GSE1: variants seen among roughly 807,000 people sequenced by gnomAD.
GSE1 encodes Gse1 coiled-coil protein, also known as genetic suppressor element 1.
GSE1 carries 32 observed loss-of-function variants against 112.6 expected under a neutral mutation model. That is an observed-to-expected ratio of 0.28 (90% CI 0.21 to 0.38). The LOEUF (loss-of-function observed/expected upper bound fraction) is 0.38, where lower values mean the gene tolerates loss of function less well. Among genes scored for constraint, GSE1 ranks in the 10% least tolerant of loss-of-function variants. The pLI is 1.00. For missense variants in GSE1, 2,348 were observed against 1,699.2 expected (o/e 1.38, Z -6.71); for synonymous variants, 1,115 against 735.6 (o/e 1.52, Z -8.35).
intron 1 of GSE1, among the ~76,000 whole-genome samples, chr16:85,294,993 C>T (rs535112313): frequency 1.3e-5 from 2 of 152,120 alleles, no homozygotes; most frequent in Admixed American, 1.3e-4. Context: ...TCAAACCATC[C>T]TCCTGCCTAG....
rs13333664 is a variant in GSE1 at position 85,634,657 on chromosome 16, C to A, written c.226+525C>A. 2.0e-4 allele frequency among the ~76,000 whole-genome samples: 31 copies of A among 152,162 alleles called. 1 individual carries two copies. Among genetic ancestry groups the A allele is most frequent in the East Asian group, 1.5e-3 (8 of 5,168 alleles). ...AGGCAGAGACTGTGGGGAGCATAGA[C>A]AAGCGGCCCCCGGGGTCTGGAGCCT... On this transcript the variant is annotated intron_variant, in intron 2 of 15. Coordinates refer to ENST00000253458, the MANE Select transcript of GSE1 (RefSeq NM_014615.5).
chr16:85,200,219 A>G (rs2075002945), intron 1 of GSE1, among the ~76,000 whole-genome samples: 1 of 152,062 alleles, frequency 6.6e-6, no homozygotes, highest in African/African-American at 2.4e-5. Context: ...GCCCAGTTTT[A>G]TATCTTTCTA....
At chr16:85,614,752 AC>A (rs1158672417) in intron 1 of GSE1, among the ~76,000 whole-genome samples, 1 of 152,058 alleles carries the variant, frequency 6.6e-6, no homozygotes, top group Non-Finnish European at 1.5e-5. Flanking sequence ...AACACACTAA[AC>A]CCTTGCTCCC....
chr16:85,305,623 C>T (rs537321101), intron 1 of GSE1, among the ~76,000 whole-genome samples: 333 of 152,146 alleles, frequency 2.2e-3, no homozygotes, highest in African/African-American at 5.8e-3. Flanking sequence ...TGGGTAATTA[C>T]AGGCATGCAC....
At chr16:85,179,209 T>A (rs2074531281) in intron 1 of GSE1, among the ~76,000 whole-genome samples, 1 of 152,132 alleles carries the variant, frequency 6.6e-6, no homozygotes, top group African/African-American at 2.4e-5. Flanking sequence ...CCTCTGTCTT[T>A]ATGGATCTGC....
intron 2 of GSE1, among the ~76,000 whole-genome samples, chr16:85,427,276 G>C (rs1330827628): frequency 6.6e-6 from 1 of 152,216 alleles, no homozygotes; most frequent in African/African-American, 2.4e-5. Flanking sequence ...ACAAATGTGA[G>C]CCACGTGCTG....
At position 85,656,364 on chromosome 16, in the gene GSE1, A is replaced by G. The variant is rs569636535; in HGVS notation, c.1011A>G (p.Leu337=). ...SAERLQMDEE[L]RRERERERER... ...GCAGGCTGCAGATGGACGAGGAGCT[A>G]AGGCGGGAGAGGGAGCGCGAGCGCG... Residue 337 remains leucine, a synonymous_variant, in exon 7 of 16, where the codon CTA becomes CTG. Transcript: ENST00000253458. 2.9e-5 allele frequency: 46 copies of G among 1,609,390 alleles called. No homozygotes were observed. The East Asian group carries it at 4.3e-4, about 15-fold the overall frequency.
rs147934092 is a variant in GSE1, at chr16:85,351,020, T to G, written c.2284-6443T>G. Among the ~76,000 whole-genome samples the G allele has an allele frequency of 7.9e-5, 12 of 152,344 alleles. No homozygotes were observed. In the East Asian group the frequency reaches 1.4e-3, roughly 17 times the overall value. On this transcript the variant is annotated intron_variant, in intron 1 of 2. Coordinates refer to the GSE1 transcript ENST00000637419. ...GTCTCGAACTTCTGGGCTTAAGTGA[T>G]CTGCCTGCCTCGGCCTCCCAAGGTG... is the stretch of plus-strand genomic sequence containing the variant.
chr16:85,335,365 A>G (rs2151527428), intron 1 of GSE1, among the ~76,000 whole-genome samples: 1 of 152,362 alleles, frequency 6.6e-6, no homozygotes, highest in East Asian at 1.9e-4. Flanking sequence ...TTCCTCGGCA[A>G]GCGAGTGAGT....
At position 85,674,547 on chromosome 16, in the gene GSE1, G is replaced by A. The variant is rs1030903628; in HGVS notation, c.*2008G>A. 2 of 152,202 alleles carry A rather than the reference G, an allele frequency of 1.3e-5. 1 individual carries two copies. Among genetic ancestry groups the A allele is most frequent in the South Asian group, 4.1e-4 (2 of 4,824 alleles). The allele number at this position is 152,202 out of a possible 1,614,324, so 9.4% of individuals were successfully genotyped here. On this transcript the variant is annotated 3_prime_UTR_variant, in exon 16 of 16. Transcript: ENST00000253458. ...ACTGAAAACCTACTTGAGGTTTCTG[G>A]TCTGAAGGCTTAAGAGTCACATCTT...
chr16:85,520,594 GT>G (rs371208807), intron 2 of GSE1, among the ~76,000 whole-genome samples: 4,541 of 151,370 alleles, frequency 0.03, 105 homozygotes, highest in South Asian at 0.1. Context: ...GCTAATTTTT[GT>G]TTTTTTTAGT....
Position 85,655,711 on chromosome 16 carries a change from G to A in GSE1, c.798-15G>A, listed in dbSNP as rs887884259. On this transcript the variant is annotated splice_polypyrimidine_tract_variant and intron_variant, in intron 5 of 15. Transcript: ENST00000253458. ...TGGTTCATTTGCTGCTCACAGCCCC[G>A]TCTTCTCTGCACAGGATGGACGACT... is the stretch of plus-strand genomic sequence containing the variant. The A allele has an allele frequency of 3.2e-5, 50 of 1,567,102 alleles. No homozygotes were observed. Among genetic ancestry groups the A allele is most frequent in the Middle Eastern group, 1.7e-4 (1 of 5,874 alleles).
chr16:85,668,519 G>A, intron 14 of GSE1, 95 bp downstream of exon 14: 1 of 834,034 alleles, frequency 1.2e-6, no homozygotes, highest in East Asian at 2.5e-5. Flanking sequence ...CTGCCAGCCT[G>A]GGGACTGTTT....
rs114062815 is a variant in GSE1 at position 85,170,970 on chromosome 16, C to T, written c.1446C>T (p.Tyr482=). 43 of 985,484 alleles carry T rather than the reference C, an allele frequency of 4.4e-5. No individual in the cohort carries two copies. In the African/African-American group the frequency reaches 6.6e-4, roughly 15 times the overall value. The allele number at this position is 985,484 out of a possible 1,614,324, so 61.0% of individuals were successfully genotyped here. ...CCGGGGCCCTGCGAGAGGCCTGCTA[C>T]CTCTGTGGGGAGGACTGTACCCCGG... The change falls in exon 1 of 3, where the codon TAC becomes TAT. Residue 482 remains tyrosine (Y), a synonymous_variant. Transcript: ENST00000637419.
chr16:85,668,167 A>G lies in GSE1; in HGVS notation c.3158A>G (p.Gln1053Arg). ...AGCGTGGCTGTGCTGTCTGCAGAGC[A>G]GAACCACAAGGTTGACACGTCCGTC... is the stretch of plus-strand genomic sequence containing the variant. ...KGSVAVLSAE[Q>R]NHKVDTSVHY... Residue 1053 changes from glutamine (Q) to arginine (R), a missense_variant, in exon 14 of 16, where the codon CAG becomes CGG. Transcript: ENST00000253458. 1.9e-6 allele frequency: 3 copies of G among 1,602,292 alleles called. No individual in the cohort carries two copies. Among genetic ancestry groups the G allele is most frequent in the Non-Finnish European group, 2.6e-6 (3 of 1,172,634 alleles).
At chr16:85,332,760 C>T (rs559530306) in intron 1 of GSE1, among the ~76,000 whole-genome samples, 43 of 152,306 alleles carry the variant, frequency 2.8e-4, no homozygotes, top group African/African-American at 8.9e-4. Context: ...TCTACACCTC[C>T]CTCTGAAACG....
chr16:85,411,183 C>T (rs1163093670), intron 2 of GSE1, among the ~76,000 whole-genome samples: 3 of 99,430 alleles, frequency 3.0e-5, no homozygotes, highest in South Asian at 6.6e-4. Flanking sequence ...TCAGGCCCCC[C>T]GGATAATCCT....
At chr16:85,445,719 C>T (rs1036670973) in intron 2 of GSE1, among the ~76,000 whole-genome samples, 1 of 152,220 alleles carries the variant, frequency 6.6e-6, no homozygotes, top group Non-Finnish European at 1.5e-5. Flanking sequence ...GCAGCAGCAG[C>T]CCTCTCCTGG....
At chr16:85,423,085 A>G (rs1317852188) in intron 2 of GSE1, among the ~76,000 whole-genome samples, 1 of 152,238 alleles carries the variant, frequency 6.6e-6, no homozygotes, top group Admixed American at 6.5e-5. Flanking sequence ...CCTCGCAAGC[A>G]CTGAAGTGGA....
Sources: allele counts gnomAD v4.1 joint callset (sites outside exome capture counted in the v4.1 genomes callset), GRCh38; gene constraint gnomAD v4.1.1; transcripts MANE v1.5; gene names NCBI Gene and HGNC (gene_info 2026-07-23, HGNC 2026-07-21).